Variants in LRRC1 observed in about 807,000 individuals in gnomAD.
LRRC1 encodes leucine-rich repeat-containing protein 1.
Under a neutral mutation model 69.9 loss-of-function variants are expected in LRRC1, and 28 were observed. The observed-to-expected ratio is 0.40, with a 90% CI of 0.30 to 0.55. LRRC1 has a LOEUF of 0.55. Among genes scored for constraint, LRRC1 ranks in the 20% least tolerant of loss-of-function variants. LRRC1 has a pLI of 0.47. For synonymous variants in LRRC1, 236 were observed against 240.2 expected, an observed-to-expected ratio of 0.98 and a Z score of 0.16; for missense variants, 498 against 609.0, an observed-to-expected ratio of 0.82 and a Z score of 1.92.
rs137938047 is a variant in LRRC1, at chr6:53,914,334, T to G, written c.1106+365T>G. On this transcript the variant is annotated intron_variant, in intron 11 of 13. Transcript: ENST00000370888. ...TGTAAATCATCATGGGCTTCAGAGTTTCCTCACCTGCAAAGTGAGTGCAAA... is the reference window on the plus strand; with the variant it reads ...TGTAAATCATCATGGGCTTCAGAGTGTCCTCACCTGCAAAGTGAGTGCAAA... 2.3e-4 allele frequency among the ~76,000 whole-genome samples: 35 copies of G among 152,246 alleles called. No homozygotes were observed. The East Asian group carries it at 5.6e-3, about 24-fold the overall frequency.
At chr6:53,796,064 C>A (rs1436960533) in intron 1 of LRRC1, among the ~76,000 whole-genome samples, 1 of 152,232 alleles carries the variant, frequency 6.6e-6, no homozygotes, top group East Asian at 1.9e-4. Context: ...GCCGGCCGCC[C>A]GGGCCTTGCC....
intron 12 of LRRC1, among the ~76,000 whole-genome samples, chr6:53,920,116 C>G (rs574429036): frequency 6.6e-6 from 1 of 152,222 alleles, no homozygotes; most frequent in African/African-American, 2.4e-5. Context: ...CTATTATAAA[C>G]CCTTTGCTGA....
chr6:53,862,303 G>A, intron 2 of LRRC1, among the ~76,000 whole-genome samples: 1 of 151,584 alleles, frequency 6.6e-6, no homozygotes, highest in Non-Finnish European at 1.5e-5. Context: ...GTGTGTGTGT[G>A]TGTGTGTGTG....
At chr6:53,857,146 C>G (rs575255647) in intron 2 of LRRC1, among the ~76,000 whole-genome samples, 27 of 152,164 alleles carry the variant, frequency 1.8e-4, no homozygotes, top group African/African-American at 6.0e-4. Flanking sequence ...ATAGGAGATA[C>G]AGGTTTGAGA....
intron 2 of LRRC1, among the ~76,000 whole-genome samples, chr6:53,864,045 A>T (rs921105101): frequency 6.6e-6 from 1 of 152,090 alleles, no homozygotes; most frequent in Non-Finnish European, 1.5e-5. Flanking sequence ...CTTTGTAAAA[A>T]TAGTTTGGCG....
intron 1 of LRRC1, among the ~76,000 whole-genome samples, chr6:53,802,279 A>G (rs543505914): frequency 6.6e-6 from 1 of 152,324 alleles, no homozygotes; most frequent in Non-Finnish European, 1.5e-5. Flanking sequence ...GAGACCAGGC[A>G]GGGGCTCGTT....
intron 1 of LRRC1, among the ~76,000 whole-genome samples, chr6:53,830,369 T>A (rs1765392607): frequency 6.6e-6 from 1 of 152,208 alleles, no homozygotes; most frequent in Non-Finnish European, 1.5e-5. Context: ...TTGAGTAGAC[T>A]TTGTTGGATA....
At chr6:53,845,373 C>T (rs1477993484) in intron 2 of LRRC1, among the ~76,000 whole-genome samples, 1 of 152,066 alleles carries the variant, frequency 6.6e-6, no homozygotes, top group South Asian at 2.1e-4. Context: ...ATCTGAATAC[C>T]CTAGGTAACC....
intron 2 of LRRC1, among the ~76,000 whole-genome samples, chr6:53,859,036 C>G (rs917315861): frequency 6.6e-5 from 10 of 152,250 alleles, no homozygotes; most frequent in African/African-American, 2.4e-4. Flanking sequence ...GCATGTCAGG[C>G]ACTGGGATAT....
intron 1 of LRRC1, among the ~76,000 whole-genome samples, chr6:53,795,744 G>A (rs1302120532): frequency 2.6e-5 from 4 of 152,168 alleles, no homozygotes; most frequent in Admixed American, 6.5e-5. Flanking sequence ...GAGAAGCCGG[G>A]TGATTCGGGC....
chr6:53,885,808 A>G (rs1767455478), intron 4 of LRRC1, among the ~76,000 whole-genome samples: 1 of 152,158 alleles, frequency 6.6e-6, no homozygotes, highest in Non-Finnish European at 1.5e-5. Context: ...CATCTCTCCC[A>G]TCATGTGTTT....
chr6:53,829,099 T>G (rs905517102), intron 1 of LRRC1, among the ~76,000 whole-genome samples: 1 of 152,010 alleles, frequency 6.6e-6, no homozygotes, highest in Admixed American at 6.5e-5. Context: ...TGTTGGGGAG[T>G]TGGGATTATG....
chr6:53,898,289 T>C (rs1010530229), intron 7 of LRRC1, among the ~76,000 whole-genome samples: 3 of 152,186 alleles, frequency 2.0e-5, no homozygotes, highest in Non-Finnish European at 4.4e-5. Flanking sequence ...GATTAGCAAC[T>C]CTTGTGGGTA....
chr6:53,899,655 C>A, intron 7 of LRRC1, 92 bp from the exon 8 acceptor site: 1 of 1,307,418 alleles, frequency 7.6e-7, no homozygotes, highest in African/African-American at 1.5e-5. Context: ...TAGGACCGCC[C>A]TGGGATTTAA....
chr6:53,890,540 T>G (rs1053445451), intron 4 of LRRC1, among the ~76,000 whole-genome samples: 1 of 152,222 alleles, frequency 6.6e-6, no homozygotes, highest in Non-Finnish European at 1.5e-5. Context: ...ACCTATATTA[T>G]AAGTGCATGC....
At position 53,836,373 on chromosome 6, in the gene LRRC1, C is replaced by T. The variant is rs534684891; in HGVS notation, c.160-5737C>T. ...CTTATATGCGTAGGTATCAGTATTG[C>T]GGCAACCTTGAGATGATTAAAGAGT... On this transcript the variant is annotated intron_variant, in intron 1 of 13. Transcript: ENST00000370888. Among the ~76,000 whole-genome samples the T allele has an allele frequency of 1.6e-4, 25 of 152,278 alleles. No homozygotes were observed. The South Asian group carries it at 2.1e-3, about 13-fold the overall frequency.
intron 1 of LRRC1, among the ~76,000 whole-genome samples, chr6:53,813,532 A>G (rs1371428513): frequency 8.5e-6 from 1 of 117,916 alleles, no homozygotes; most frequent in African/African-American, 3.1e-5. Context: ...TGCCTGGCTC[A>G]GTGGTTTTTT....
At position 53,842,222 on chromosome 6, in the gene LRRC1, G is replaced by A. The variant is rs751741483; in HGVS notation, c.272G>A (p.Arg91Gln). The A allele has an allele frequency of 1.2e-5, 19 of 1,608,200 alleles. No individual in the cohort carries two copies. The highest frequency in any genetic ancestry group is 5.0e-5 in the Admixed American group (3 of 59,876). Residue 91 changes from arginine (R) to glutamine (Q), a missense_variant, in exon 2 of 14, where the codon CGA (arginine) becomes CAA (glutamine). This residue lies in a region of LRRC1 where 266 missense variants were observed against 383.9 expected (regional missense o/e 0.69). Transcript: ENST00000370888. ...CAGCTGGTGGAACTAGATGTGTCTC[G>A]AAATGGTAAGAAAGATTCCACTTGG... The part of the protein sequence containing the change: ...FMQLVELDVS[R>Q]NEIPEIPESI...
intron 1 of LRRC1, among the ~76,000 whole-genome samples, chr6:53,821,693 C>A (rs1213727324): frequency 6.6e-6 from 1 of 152,120 alleles, no homozygotes; most frequent in Non-Finnish European, 1.5e-5. Context: ...TTCTCTTGTC[C>A]CCTTCCCAGA....
Sources: allele counts gnomAD v4.1 joint callset (sites outside exome capture counted in the v4.1 genomes callset), GRCh38; gene constraint gnomAD v4.1.1; regional missense constraint gnomAD v4.1.1; transcripts MANE v1.5; gene names NCBI Gene and HGNC (gene_info 2026-07-23, HGNC 2026-07-21).